Variants in RELL1 observed in about 807,000 individuals in gnomAD.
RELL1 encodes RELT like 1, also known as RELT-like protein 1.
Under a neutral mutation model 23.0 loss-of-function variants are expected in RELL1, and 10 were observed. The ratio of observed to expected loss-of-function variants is 0.43; its 90% CI spans 0.27 to 0.74. The LOEUF (loss-of-function observed/expected upper bound fraction) is 0.74, where lower values mean the gene tolerates loss of function less well. RELL1 is among the 30% of genes least tolerant of loss of function. The pLI, the probability that RELL1 is intolerant of heterozygous loss-of-function variation, is 0.19. For missense variants in RELL1, 315 were observed against 364.4 expected, an observed-to-expected ratio of 0.86 and a Z score of 1.10; for synonymous variants, 146 against 146.8, an observed-to-expected ratio of 0.99 and a Z score of 0.04.
chr4:37,680,243 T>C (rs1722157915), intron 1 of RELL1, among the ~76,000 whole-genome samples: 1 of 152,210 alleles, frequency 6.6e-6, no homozygotes, highest in Non-Finnish European at 1.5e-5. Context: ...TTTTTGGCTA[T>C]TGCTGTGAGA....
intron 6 of RELL1, among the ~76,000 whole-genome samples, chr4:37,614,673 TAA>T (rs781450757): frequency 9.4e-5 from 12 of 127,502 alleles, no homozygotes; most frequent in Admixed American, 7.9e-5. Flanking sequence ...AAAATGGCCC[TAA>T]AAAAAAAAAA....
At chr4:37,669,197 C>A (rs1192665447) in intron 1 of RELL1, among the ~76,000 whole-genome samples, 3 of 135,362 alleles carry the variant, frequency 2.2e-5, no homozygotes, top group Non-Finnish European at 4.6e-5. Flanking sequence ...GGGGGGTCAG[C>A]CCCCTGCCTG....
rs142255052 is a variant in RELL1 at position 37,653,872 on chromosome 4, C to T, written c.89-4372G>A. On this transcript the variant is annotated intron_variant, in intron 1 of 6. Transcript: ENST00000454158. ...AAATAGCAGGCATCAACTTATCAGCCAGTAATAGCCATAATAAAAGTAGAT... is the reference window on the plus strand; with the variant it reads ...AAATAGCAGGCATCAACTTATCAGCTAGTAATAGCCATAATAAAAGTAGAT... Among the ~76,000 whole-genome samples, 160 of 152,286 alleles carry T rather than the reference C, an allele frequency of 1.1e-3. 2 individuals are homozygous for T. In the East Asian group the frequency reaches 0.029, roughly 28 times the overall value.
chr4:37,671,673 C>T (rs1009453586), intron 1 of RELL1, among the ~76,000 whole-genome samples: 7 of 152,138 alleles, frequency 4.6e-5, no homozygotes, highest in African/African-American at 1.2e-4. Flanking sequence ...ACCCCTTGTT[C>T]GGCGTATAAT....
chr4:37,629,901 C>T (rs75672681), intron 6 of RELL1, among the ~76,000 whole-genome samples: 7,393 of 152,302 alleles, frequency 0.049, 231 homozygotes, highest in Non-Finnish European at 0.072. Flanking sequence ...GCATTTCCCA[C>T]GTGCCAGGCC....
chr4:37,589,045 T>C (rs1718459480), downstream of RELL1: 1 of 573,192 alleles, frequency 1.7e-6, no homozygotes, highest in South Asian at 3.0e-5. Flanking sequence ...GGAATTGTTA[T>C]AATATCATTT....
At chr4:37,669,083 C>T (rs1387626178) in intron 1 of RELL1, among the ~76,000 whole-genome samples, 3 of 133,216 alleles carry the variant, frequency 2.3e-5, no homozygotes, top group African/African-American at 6.5e-5. Context: ...CCTGGCCAGC[C>T]GCCCCGTCTG....
At position 37,649,127 on chromosome 4, in the gene RELL1, A is replaced by T. The variant is rs569910820; in HGVS notation, c.313+149T>A. ...AAAGCAAGTTTTCAAACTAGGTGTG[A>T]TTACTGCACAATCTGCACTTACACT... is the stretch of plus-strand genomic sequence containing the variant. On this transcript the variant is annotated intron_variant, in intron 2 of 6. Coordinates refer to ENST00000454158, the MANE Select transcript of RELL1 (RefSeq NM_001085400.2). The T allele has an allele frequency of 6.4e-5, 45 of 707,224 alleles. No homozygotes were observed. In the African/African-American group the frequency reaches 7.1e-4, roughly 11 times the overall value. 43.8% of individuals were successfully genotyped at this position (707,224 alleles called of 1,614,324 possible).
chr4:37,665,469 A>G (rs1428424288), intron 1 of RELL1: 2 of 359,970 alleles, frequency 5.6e-6, no homozygotes, highest in African/African-American at 2.1e-5. Flanking sequence ...ACAGGACTCC[A>G]ATTCATCCCC....
chr4:37,649,178 G>A (rs1015645701), intron 2 of RELL1, 98 bp downstream of exon 2: 8 of 978,480 alleles, frequency 8.2e-6, no homozygotes, highest in African/African-American at 1.6e-5. Flanking sequence ...CCACTAAAAT[G>A]GATCATTCTG....
intron 1 of RELL1, among the ~76,000 whole-genome samples, chr4:37,670,762 C>T (rs1721806951): frequency 6.6e-6 from 1 of 152,116 alleles, no homozygotes; most frequent in South Asian, 2.1e-4. Flanking sequence ...TTAGTAGAGA[C>T]AGGGTTTCAC....
At chr4:37,669,477 C>A (rs1721730969) in intron 1 of RELL1, among the ~76,000 whole-genome samples, 1 of 151,808 alleles carries the variant, frequency 6.6e-6, no homozygotes, top group Non-Finnish European at 1.5e-5. Flanking sequence ...GCCCGGCCAC[C>A]CCTACTGGGA....
chr4:37,622,494 T>G (rs947026575), intron 6 of RELL1, among the ~76,000 whole-genome samples: 22 of 152,232 alleles, frequency 1.4e-4, no homozygotes, highest in Admixed American at 6.5e-4. Context: ...ATTTCTTATA[T>G]TTCAGTTCTT....
Position 37,649,271 on chromosome 4 carries a change from T to C in RELL1, c.313+5A>G, listed in dbSNP as rs2109282746. 2 of 1,610,166 alleles carry C rather than the reference T, an allele frequency of 1.2e-6. No homozygotes were observed. The highest frequency in any genetic ancestry group is 1.1e-5 in the South Asian group (1 of 90,856). On this transcript the variant is annotated splice_donor_5th_base_variant and intron_variant, in intron 2 of 6. Coordinates refer to ENST00000454158, the MANE Select transcript of RELL1 (RefSeq NM_001085400.2). ...CCCCCAATAAAAAGAGCCCTGGTTA[T>C]TTACCTATCTTTTCAACCTTTTCCT...
At chr4:37,669,997 AAATCCCCCTCTGCGAGAAAC>A (rs1721770240) in intron 1 of RELL1, among the ~76,000 whole-genome samples, 1 of 151,138 alleles carries the variant, frequency 6.6e-6, no homozygotes, top group South Asian at 2.1e-4. Context: ...TGACCCTGCC[AAATCCCCCTCTGCGAGAAAC>A]ACCCAAGAAT....
At chr4:37,619,621 G>A (rs143880348) in intron 6 of RELL1, among the ~76,000 whole-genome samples, 150 of 152,292 alleles carry the variant, frequency 9.8e-4, no homozygotes, top group Middle Eastern at 3.4e-3. Context: ...AGGCTGGAAT[G>A]CAGTGGCATG....
At chr4:37,643,880 G>A (rs1439770727) in intron 3 of RELL1, among the ~76,000 whole-genome samples, 2 of 152,212 alleles carry the variant, frequency 1.3e-5, no homozygotes, top group African/African-American at 4.8e-5. Context: ...GGAAAGGGGT[G>A]TGCAGCAACA....
chr4:37,612,214 G>GTTC lies in RELL1; in HGVS notation c.*1129_*1131dup, dbSNP rs1258601062. Among the ~76,000 whole-genome samples the GTTC allele has an allele frequency of 2.1e-5, 3 of 145,388 alleles. No homozygotes were observed. Among genetic ancestry groups the GTTC allele is most frequent in the Admixed American group, 1.4e-4 (2 of 14,434 alleles). On this transcript the variant is annotated 3_prime_UTR_variant, in exon 7 of 7. Coordinates refer to ENST00000454158, the MANE Select transcript of RELL1 (RefSeq NM_001085400.2). Reference sequence around the variant, plus strand: ...AAAAAAAAAAAAAGAGAGAAGCAGGGTTCTTTTGTTTTGGCCTTGGGTTGT... The same window carrying GTTC: ...AAAAAAAAAAAAAGAGAGAAGCAGGGTTCTTCTTTTGTTTTGGCCTTGGGTTGT...
chr4:37,670,786 A>T (rs1329703960), intron 1 of RELL1, among the ~76,000 whole-genome samples: 1 of 152,002 alleles, frequency 6.6e-6, no homozygotes, highest in African/African-American at 2.4e-5. Flanking sequence ...GTTGGCCAAG[A>T]TGATCTCTAT....
Sources: gnomAD v4.1 joint callset for allele counts (sites outside exome capture counted in the v4.1 genomes callset) on GRCh38, gnomAD v4.1.1 for gene constraint, MANE v1.5 for transcripts, NCBI Gene and HGNC (gene_info 2026-07-23, HGNC 2026-07-21) for gene names.